The following DOCK1 variants were observed in gnomAD, a reference collection of about 807,000 sequenced individuals.
DOCK1 encodes dedicator of cytokinesis 1, also known as dedicator of cytokinesis protein 1.
A neutral mutation model predicts 262.7 loss-of-function variants in DOCK1; 138 were observed. The observed-to-expected ratio is 0.53, with a 90% CI of 0.46 to 0.61. DOCK1 has a LOEUF of 0.61. Among genes scored for constraint, DOCK1 ranks in the 20% least tolerant of loss-of-function variants. DOCK1 has a pLI of 0.00. For missense variants in DOCK1, 1,908 were observed against 2,370.7 expected (o/e 0.80, Z 4.05); for synonymous variants, 866 against 867.4 (o/e 1.00, Z 0.03).
chr10:127,308,962 T>G (rs773499970), intron 29 of DOCK1, among the ~76,000 whole-genome samples: 8 of 152,228 alleles, frequency 5.3e-5, no homozygotes, highest in Non-Finnish European at 1.2e-4. Context: ...AGTAATGGGA[T>G]GGCTGGGTCA....
At chr10:126,998,350 A>T in intron 8 of DOCK1, 101 bp downstream of exon 8, 1 of 1,484,976 alleles carries the variant, frequency 6.7e-7, no homozygotes, top group East Asian at 2.3e-5. Flanking sequence ...GAGGCCTTGG[A>T]TGAATGGCTG....
intron 27 of DOCK1, among the ~76,000 whole-genome samples, chr10:127,183,071 C>CTTTTTTTTTTTTTTTTTTTTTTTTTTTTT (rs3066813): frequency 1.1e-5 from 1 of 88,634 alleles, no homozygotes; most frequent in Non-Finnish European, 2.1e-5. Context: ...TATGGTGAAT[C>CTTTTTTTTTTTTTTTTTTTTTTTTTTTTT]TTTTTTTTTT....
At chr10:126,979,922 A>G (rs2038828818) in intron 3 of DOCK1, among the ~76,000 whole-genome samples, 1 of 152,158 alleles carries the variant, frequency 6.6e-6, no homozygotes, top group Admixed American at 6.5e-5. Flanking sequence ...TCAAACCTGC[A>G]GGTGTGTCCA....
At chr10:127,188,156 G>T (rs1194495474) in intron 27 of DOCK1, among the ~76,000 whole-genome samples, 2 of 152,184 alleles carry the variant, frequency 1.3e-5, no homozygotes, top group African/African-American at 4.8e-5. Context: ...ATCACCAGCA[G>T]ATCCCACACA....
rs1038389428 is a variant in DOCK1, at chr10:126,935,673, A to G, written c.46+30110A>G. ...TGCCTAACTTCTCTCTATCCCTTGG[A>G]TACTTGCCTTCCTGTGGTTAAGGTG... is the stretch of plus-strand genomic sequence containing the variant. On this transcript the variant is annotated intron_variant, in intron 1 of 51. Coordinates refer to ENST00000623213, the MANE Select transcript of DOCK1 (RefSeq NM_001290223.2). Among the ~76,000 whole-genome samples the G allele has an allele frequency of 1.3e-4, 20 of 152,226 alleles. No homozygotes were observed. In the East Asian group the frequency reaches 3.9e-3, roughly 29 times the overall value.
intron 27 of DOCK1, among the ~76,000 whole-genome samples, chr10:127,172,399 C>T (rs1319779109): frequency 1.3e-5 from 2 of 152,218 alleles, no homozygotes; most frequent in Non-Finnish European, 2.9e-5. Flanking sequence ...CTGCTCACAG[C>T]TGTCACTCCT....
At chr10:127,281,507 T>C (rs528970745) in intron 29 of DOCK1, among the ~76,000 whole-genome samples, 1 of 152,298 alleles carries the variant, frequency 6.6e-6, no homozygotes, top group South Asian at 2.1e-4. Context: ...GGGAAGTCTT[T>C]CATTGTTTTC....
chr10:126,924,627 GCTT>G (rs1213169560), intron 1 of DOCK1, among the ~76,000 whole-genome samples: 3 of 152,178 alleles, frequency 2.0e-5, no homozygotes, highest in Non-Finnish European at 4.4e-5. Context: ...CAGGATTCTT[GCTT>G]CTTCCACCGT....
chr10:127,364,493 G>A (rs1034762906), intron 33 of DOCK1, among the ~76,000 whole-genome samples: 6 of 152,154 alleles, frequency 3.9e-5, no homozygotes, highest in African/African-American at 1.4e-4. Flanking sequence ...CAGCCTCTGA[G>A]TAGCTGGGAT....
intron 27 of DOCK1, among the ~76,000 whole-genome samples, chr10:127,189,671 G>C (rs2056570211): frequency 6.6e-6 from 1 of 152,200 alleles, no homozygotes; most frequent in Admixed American, 6.5e-5. Flanking sequence ...TGGGCAAGAA[G>C]TCAAATGAAA....
intron 29 of DOCK1, among the ~76,000 whole-genome samples, chr10:127,310,252 A>G (rs1045998390): frequency 4.0e-5 from 6 of 151,886 alleles, no homozygotes; most frequent in African/African-American, 1.5e-4. Context: ...GTTGTATGCC[A>G]TACCCCCACC....
intron 23 of DOCK1, among the ~76,000 whole-genome samples, chr10:127,071,287 G>A (rs553942832): frequency 2.0e-4 from 31 of 152,176 alleles, no homozygotes; most frequent in African/African-American, 5.5e-4. Context: ...CTTCCTGCCC[G>A]CTCTGGAGGG....
intron 27 of DOCK1, among the ~76,000 whole-genome samples, chr10:127,207,558 G>A (rs769700468): frequency 2.2e-4 from 33 of 152,124 alleles, no homozygotes; most frequent in Admixed American, 3.3e-4. Context: ...TTGAGAACAT[G>A]GACAATTCTC....
intron 48 of DOCK1, among the ~76,000 whole-genome samples, chr10:127,434,739 G>A (rs1040328765): frequency 8.1e-5 from 12 of 148,386 alleles, no homozygotes; most frequent in Non-Finnish European, 1.2e-4. Flanking sequence ...TGCAACCTCC[G>A]CCTCCCAGGT....
At chr10:126,950,944 G>A (rs1172145210) in intron 1 of DOCK1, among the ~76,000 whole-genome samples, 2 of 152,072 alleles carry the variant, frequency 1.3e-5, no homozygotes, top group African/African-American at 4.8e-5. Flanking sequence ...TGCTGTTGGC[G>A]GTGATGGTGG....
intron 27 of DOCK1, among the ~76,000 whole-genome samples, chr10:127,172,861 T>A (rs927595077): frequency 1.3e-5 from 2 of 152,166 alleles, no homozygotes; most frequent in Admixed American, 6.5e-5. Context: ...TGACATTTCG[T>A]GATGATGGAA....
At chr10:127,074,082 A>G (rs1289633720) in intron 23 of DOCK1, among the ~76,000 whole-genome samples, 1 of 152,246 alleles carries the variant, frequency 6.6e-6, no homozygotes, top group African/African-American at 2.4e-5. Flanking sequence ...AATATTTCAT[A>G]TGTGAGCTTA....
At chr10:127,184,080 C>T (rs927234652) in intron 27 of DOCK1, among the ~76,000 whole-genome samples, 5 of 152,160 alleles carry the variant, frequency 3.3e-5, no homozygotes, top group Non-Finnish European at 1.5e-5. Flanking sequence ...TCTTGGGAAG[C>T]AGTCTGACAT....
intron 1 of DOCK1, among the ~76,000 whole-genome samples, chr10:126,947,269 C>T (rs1157077746): frequency 1.4e-5 from 2 of 145,908 alleles, no homozygotes; most frequent in Admixed American, 1.4e-4. Flanking sequence ...GGTAGTACTA[C>T]TGTTGGTGGT....
Sources: gnomAD v4.1 joint callset for allele counts (sites outside exome capture counted in the v4.1 genomes callset) on GRCh38, gnomAD v4.1.1 for gene constraint, MANE v1.5 for transcripts, NCBI Gene and HGNC (gene_info 2026-07-23, HGNC 2026-07-21) for gene names.